The following CLBA1 variants were observed in gnomAD, a reference collection of about 807,000 sequenced individuals.
CLBA1 encodes the protein clathrin binding box of aftiphilin containing 1, also known as uncharacterized protein CLBA1.
In CLBA1, 30 loss-of-function variants were observed where a neutral mutation model predicts 28.8. The ratio of observed to expected loss-of-function variants is 1.04; its 90% CI spans 0.78 to 1.41. The LOEUF is 1.41. CLBA1 is among the 40% of genes most tolerant of loss of function. The pLI, the probability that CLBA1 is intolerant of heterozygous loss-of-function variation, is 0.00. For synonymous variants in CLBA1, 160 were observed against 152.8 expected (o/e 1.05, Z -0.35); for missense variants, 451 against 412.3 (o/e 1.09, Z -0.81).
Position 104,991,526 on chromosome 14 carries a change from G to C in CLBA1, c.605G>C (p.Ser202Thr). The C allele has an allele frequency of 6.2e-7, 1 of 1,614,096 alleles. No individual in the cohort carries two copies. The highest frequency in any genetic ancestry group is 8.5e-7 in the Non-Finnish European group (1 of 1,179,930). ...AGAAAACTCTGGAGAGCCCTTCAGAGCATACACACCACGTCTACTTCTCAG... is the reference window on the plus strand; with the variant it reads ...AGAAAACTCTGGAGAGCCCTTCAGACCATACACACCACGTCTACTTCTCAG... ...ESRKLWRALQ[S>T]IHTTSTSQRL... The change falls in exon 3 of 5, where the codon AGC becomes ACC. Residue 202 changes from serine to threonine, a missense_variant. Physicochemically the swap from Ser to Thr is moderately conservative, Grantham distance 58 (BLOSUM62 1). Transcript: ENST00000547315.
In CLBA1 at chr14:104,986,206, C is replaced by T. The variant is rs1341768300; in HGVS notation, c.-226C>T. ...CGCGCCCGCCTGCGTGGGAGGAAGC[C>T]AGGACTCCCGGGCGACCGGGCCATT... On this transcript the variant is annotated 5_prime_UTR_variant, in exon 1 of 5. Transcript: ENST00000547315. 3.4e-6 allele frequency: 2 copies of T among 586,364 alleles called. No individual in the cohort carries two copies. The highest frequency in any genetic ancestry group is 6.1e-6 in the Non-Finnish European group (2 of 329,902). 36.3% of individuals were successfully genotyped at this position (586,364 alleles called of 1,614,324 possible). A position where few individuals can be genotyped will look rare whatever the true frequency, so the allele number is the denominator to read the frequency against.
At chr14:104,989,737 A>T (rs1346578186) in intron 2 of CLBA1, 1 of 453,588 alleles carries the variant, frequency 2.2e-6, no homozygotes, top group Non-Finnish European at 4.4e-6. Flanking sequence ...CAGAGGGAGG[A>T]GGGAAGTGAA....
chr14:104,992,526 G>A (rs562474891), intron 3 of CLBA1, among the ~76,000 whole-genome samples: 1 of 152,384 alleles, frequency 6.6e-6, no homozygotes, highest in South Asian at 2.1e-4. Context: ...GGCCAGGAAG[G>A]AAGTGAAGGG....
downstream of CLBA1, chr14:104,999,374 G>A: frequency 2.6e-6 from 1 of 386,336 alleles, no homozygotes; most frequent in Non-Finnish European, 3.5e-6. Flanking sequence ...TGGCCATCAT[G>A]CAAAAAACCT....
downstream of CLBA1, among the ~76,000 whole-genome samples, chr14:104,996,890 C>T (rs1231798580): frequency 6.6e-6 from 1 of 152,248 alleles, no homozygotes; most frequent in Non-Finnish European, 1.5e-5. Context: ...AACTCTGTTC[C>T]CACTCTGGCA....
chr14:104,991,440 T>C, intron 2 of CLBA1, 51 bp from the exon 3 acceptor site: 1 of 1,608,358 alleles, frequency 6.2e-7, no homozygotes, highest in South Asian at 1.1e-5. Context: ...CCTCATGATC[T>C]CCTCAGAAGG....
chr14:104,987,293 C>T (rs189369478), intron 1 of CLBA1, among the ~76,000 whole-genome samples: 42 of 152,354 alleles, frequency 2.8e-4, no homozygotes, highest in Non-Finnish European at 1.9e-4. Context: ...TTGGGTGACG[C>T]GGGATCCAAC....
intron 1 of CLBA1, among the ~76,000 whole-genome samples, chr14:104,987,611 T>C (rs12887981): frequency 1.5e-5 from 1 of 66,054 alleles, no homozygotes; most frequent in African/African-American, 6.9e-5. Flanking sequence ...CTTTTCTTTT[T>C]TTTTTTTTTT....
At chr14:104,993,986 A>T (rs549669881) in intron 4 of CLBA1, 1 of 984,398 alleles carries the variant, frequency 1.0e-6, no homozygotes, top group East Asian at 1.2e-4. Flanking sequence ...TTAGGCATGA[A>T]TGTGGCACTG....
chr14:104,992,204 C>T (rs1210187918), intron 3 of CLBA1, among the ~76,000 whole-genome samples: 5 of 149,132 alleles, frequency 3.4e-5, no homozygotes, highest in Non-Finnish European at 7.4e-5. Context: ...ACCACTCACA[C>T]GCCACCACTC....
At chr14:104,993,320 G>A in intron 4 of CLBA1, 1 of 985,430 alleles carries the variant, frequency 1.0e-6, no homozygotes, top group Non-Finnish European at 1.2e-6. Flanking sequence ...GGGTCACGCA[G>A]GAGAAGCCAG....
chr14:104,989,055 A>G lies in CLBA1; in HGVS notation c.536A>G (p.Glu179Gly), dbSNP rs1178870770. The part of the protein sequence containing the change: ...IDHFLEISSE[E>G]KPGVERVHKL... ...CATTTCCTAGAAATAAGCAGTGAAG[A>G]AAAACCTGGCGTTGAACGTGTACAT... is the stretch of plus-strand genomic sequence containing the variant. The change falls in exon 2 of 5, where the codon GAA (glutamate) becomes GGA (glycine). Residue 179 changes from glutamate (E) to glycine (G), a missense_variant. Glu to Gly is a moderately conservative substitution (Grantham distance 98). Coordinates refer to ENST00000547315, the MANE Select transcript of CLBA1 (RefSeq NM_174891.4). The G allele has an allele frequency of 5.6e-6, 9 of 1,613,140 alleles. No homozygotes were observed. The highest frequency in any genetic ancestry group is 1.1e-5 in the South Asian group (1 of 90,726).
In CLBA1 at chr14:104,987,634, T is replaced by C. The variant is rs959809176; in HGVS notation, c.423+780T>C. On this transcript the variant is annotated intron_variant, in intron 1 of 4. Coordinates refer to ENST00000547315, the MANE Select transcript of CLBA1 (RefSeq NM_174891.4). ...TTTTTTTTTTTTTTTTTTTTTTTTT[T>C]TTTGAGACAGCCTCACTCTGTCGCT... 4.3e-5 allele frequency among the ~76,000 whole-genome samples: 5 copies of C among 116,298 alleles called. No homozygotes were observed. In the Middle Eastern group the frequency reaches 0.021, roughly 489 times the overall value. 76.3% of individuals were successfully genotyped at this position (116,298 alleles called of 152,430 possible).
rs1279420090 is a variant in CLBA1, at chr14:104,986,855, G to A, written c.423+1G>A. 1.9e-6 allele frequency: 3 copies of A among 1,612,490 alleles called. No homozygotes were observed. The highest frequency in any genetic ancestry group is 1.6e-4 in the Middle Eastern group (1 of 6,084). ...AACTTCTGCCGTCCCACCTTCTGAG[G>A]TATTTCTGCTGTGCTGTGGTCACCA... On this transcript the variant is annotated splice_donor_variant, in intron 1 of 4. Coordinates refer to ENST00000547315, the MANE Select transcript of CLBA1 (RefSeq NM_174891.4). LOFTEE classifies it high-confidence loss of function.
Position 104,986,666 on chromosome 14 carries a change from G to A in CLBA1, c.235G>A (p.Gly79Arg), listed in dbSNP as rs1445022556. 3 of 1,613,948 alleles carry A rather than the reference G, an allele frequency of 1.9e-6. No homozygotes were observed. The highest frequency in any genetic ancestry group is 2.5e-6 in the Non-Finnish European group (3 of 1,180,018). The change falls in exon 1 of 5, where the codon GGG becomes AGG. Residue 79 changes from glycine to arginine, a missense_variant. By Grantham distance (125) the Gly-to-Arg change is moderately radical. Transcript: ENST00000547315. The stretch of plus-strand genomic sequence containing the variant: ...CCCTGGGGAACACAGCAGCACTTGG[G>A]GGGAGTTTGAAGGCTTTCGGGAATC... ...PDPGEHSSTW[G>R]EFEGFRESSA...
At chr14:104,991,953 G>A (rs372696293) in intron 3 of CLBA1, among the ~76,000 whole-genome samples, 12 of 145,340 alleles carry the variant, frequency 8.3e-5, no homozygotes, top group South Asian at 2.2e-4. Flanking sequence ...CGCACACGCC[G>A]CCACGCACAC....
chr14:104,993,899 A>C (rs902373573), intron 4 of CLBA1: 16 of 985,284 alleles, frequency 1.6e-5, no homozygotes, highest in Admixed American at 6.1e-5. Context: ...GGAGGTAACA[A>C]GGACCTGAGA....
downstream of CLBA1, among the ~76,000 whole-genome samples, chr14:104,995,691 G>A (rs1040444236): frequency 6.6e-6 from 1 of 152,194 alleles, no homozygotes; most frequent in Admixed American, 6.5e-5. Context: ...CACAGTGATG[G>A]GCAGGAGTTT....
chr14:104,992,225 A>G (rs2140898124), intron 3 of CLBA1, among the ~76,000 whole-genome samples: 1 of 150,370 alleles, frequency 6.7e-6, no homozygotes, highest in East Asian at 2.0e-4. Context: ...ACATGCCGCC[A>G]CGCACACGCC....
Sources: allele counts gnomAD v4.1 joint callset (sites outside exome capture counted in the v4.1 genomes callset), GRCh38; gene constraint gnomAD v4.1.1; transcripts MANE v1.5; gene names NCBI Gene and HGNC (gene_info 2026-07-23, HGNC 2026-07-21).